ZNF536: variants seen among roughly 807,000 people sequenced by gnomAD.
The protein encoded by ZNF536 is zinc finger protein 536.
In ZNF536, 13 loss-of-function variants were observed where a neutral mutation model predicts 84.5. That is an observed-to-expected ratio of 0.15 (90% CI 0.10 to 0.24). The LOEUF is 0.24. Ranked by LOEUF, ZNF536 falls within the 10% of genes least tolerant of loss-of-function variation. ZNF536 has a pLI of 1.00. For missense variants in ZNF536, 1,536 were observed against 1,747.5 expected, an observed-to-expected ratio of 0.88 and a Z score of 2.16; for synonymous variants, 811 against 742.5, an observed-to-expected ratio of 1.09 and a Z score of -1.50.
intron 1 of ZNF536, among the ~76,000 whole-genome samples, chr19:30,383,739 CTTT>C (rs1316702966): frequency 0.029 from 207 of 7,064 alleles, 20 homozygotes; most frequent in African/African-American, 0.12. Flanking sequence ...TTCTTTCTTT[CTTT>C]CTCTTTCTTT....
intron 1 of ZNF536, among the ~76,000 whole-genome samples, chr19:30,387,344 G>A (rs1188546001): frequency 2.0e-5 from 3 of 152,234 alleles, no homozygotes; most frequent in Non-Finnish European, 1.5e-5. Flanking sequence ...GTGGGGACCC[G>A]AGACTTCTGC....
intron 1 of ZNF536, among the ~76,000 whole-genome samples, chr19:30,410,326 A>C (rs900339615): frequency 8.5e-5 from 13 of 152,048 alleles, no homozygotes; most frequent in African/African-American, 3.1e-4. Context: ...TTTTCTATTA[A>C]AGAGATTTTA....
At chr19:30,664,202 TTTTCTCTCTCTCTCTCTC>T (rs1246052524) in intron 1 of ZNF536, among the ~76,000 whole-genome samples, 6,433 of 118,342 alleles carry the variant, frequency 0.054, 319 homozygotes, top group African/African-American at 0.071. Context: ...TCTTGCTGAG[TTTTCTCTCTCTCTCTCTC>T]TCTCTCTCTC....
At chr19:30,508,260 A>T (rs1289446153) in intron 2 of ZNF536, among the ~76,000 whole-genome samples, 1 of 152,224 alleles carries the variant, frequency 6.6e-6, no homozygotes, top group Non-Finnish European at 1.5e-5. Flanking sequence ...AGAGGTAGAA[A>T]GCCACCATCT....
At chr19:30,639,568 C>A (rs924777601) in intron 1 of ZNF536, among the ~76,000 whole-genome samples, 3 of 152,210 alleles carry the variant, frequency 2.0e-5, no homozygotes, top group Non-Finnish European at 4.4e-5. Context: ...ACTTTTGTTT[C>A]CAGTAGGCCA....
intron 1 of ZNF536, among the ~76,000 whole-genome samples, chr19:30,621,969 A>G (rs1032204036): frequency 1.2e-4 from 19 of 152,228 alleles, no homozygotes; most frequent in African/African-American, 4.6e-4. Flanking sequence ...TCATATCCGC[A>G]CTCCTCAAAA....
chr19:30,384,964 G>A (rs1172854402), intron 1 of ZNF536, among the ~76,000 whole-genome samples: 1 of 152,054 alleles, frequency 6.6e-6, no homozygotes, highest in Non-Finnish European at 1.5e-5. Context: ...AGTCGAGGCT[G>A]CAGTTTGATC....
intron 1 of ZNF536, among the ~76,000 whole-genome samples, chr19:30,597,255 A>G (rs1198098737): frequency 6.6e-6 from 1 of 152,176 alleles, no homozygotes; most frequent in East Asian, 1.9e-4. Flanking sequence ...AAATATATAT[A>G]TATAGGTCTA....
chr19:30,280,782 G>A (rs2045413507), intron 1 of ZNF536, among the ~76,000 whole-genome samples: 1 of 152,242 alleles, frequency 6.6e-6, no homozygotes, highest in African/African-American at 2.4e-5. Flanking sequence ...CTCAGGGAGG[G>A]TTTCTCTGGC....
At chr19:30,623,224 C>T (rs1330084983) in intron 1 of ZNF536, among the ~76,000 whole-genome samples, 1 of 152,146 alleles carries the variant, frequency 6.6e-6, no homozygotes, top group East Asian at 1.9e-4. Flanking sequence ...TCCTTATCCA[C>T]CCTGCCATGA....
At chr19:30,344,155 C>T (rs1194852658) in intron 2 of ZNF536, among the ~76,000 whole-genome samples, 1 of 151,380 alleles carries the variant, frequency 6.6e-6, no homozygotes, top group African/African-American at 2.4e-5. Context: ...AGTTGGCAGA[C>T]AAGGACAGCC....
chr19:30,344,891 G>A (rs559233395), intron 2 of ZNF536, among the ~76,000 whole-genome samples: 9 of 152,304 alleles, frequency 5.9e-5, no homozygotes, highest in African/African-American at 2.2e-4. Context: ...TTGTCACTAC[G>A]TGATACTGCT....
rs540203579 is a variant in ZNF536 at position 30,453,987 on chromosome 19, G to A, written c.2170+8255G>A. On this transcript the variant is annotated intron_variant, in intron 2 of 4. Transcript: ENST00000355537. ...TGCCCACCACACCACATGGGAGGCC[G>A]GCCCTCCCCTTAACGGTGCCCAGCC... Among the ~76,000 whole-genome samples, 15 of 152,354 alleles carry A rather than the reference G, an allele frequency of 9.8e-5. 1 individual carries two copies. Among genetic ancestry groups the A allele is most frequent in the Admixed American group, 5.9e-4 (9 of 15,300 alleles).
intron 1 of ZNF536, among the ~76,000 whole-genome samples, chr19:30,593,177 G>A (rs2060241): frequency 0.42 from 63,893 of 151,890 alleles, 14,068 homozygotes; most frequent in East Asian, 0.52. Context: ...CTTTCTCGCT[G>A]CTCTCTTCCA....
At chr19:30,658,658 G>T (rs2050008807) in intron 1 of ZNF536, among the ~76,000 whole-genome samples, 1 of 151,810 alleles carries the variant, frequency 6.6e-6, no homozygotes, top group African/African-American at 2.4e-5. Context: ...TCCCTCTGTG[G>T]GTCCCATTTT....
chr19:30,263,900 AC>A (rs2025359235), intron 1 of ZNF536, among the ~76,000 whole-genome samples: 1 of 151,756 alleles, frequency 6.6e-6, no homozygotes, highest in African/African-American at 2.4e-5. Flanking sequence ...ACACACACAC[AC>A]ACCCTACACA....
At chr19:30,330,640 G>A (rs2047181690) in intron 2 of ZNF536, among the ~76,000 whole-genome samples, 1 of 152,208 alleles carries the variant, frequency 6.6e-6, no homozygotes, top group African/African-American at 2.4e-5. Context: ...GGCCATATCT[G>A]TGAAGCAACA....
upstream of ZNF536, among the ~76,000 whole-genome samples, chr19:30,225,687 TG>T (rs56684430): frequency 5.9e-4 from 50 of 84,166 alleles, no homozygotes; most frequent in East Asian, 0.011. Context: ...AAAACAAAGG[TG>T]GGGGGGGGAT....
intron 1 of ZNF536, among the ~76,000 whole-genome samples, chr19:30,258,117 T>C (rs1222865744): frequency 1.3e-5 from 2 of 152,186 alleles, no homozygotes; most frequent in African/African-American, 4.8e-5. Context: ...CACCCTTACA[T>C]CTGAGAATAA....
Sources: allele counts gnomAD v4.1 joint callset (sites outside exome capture counted in the v4.1 genomes callset), GRCh38; gene constraint gnomAD v4.1.1; transcripts MANE v1.5; gene names NCBI Gene and HGNC (gene_info 2026-07-23, HGNC 2026-07-21).